C12orf56: variants seen among roughly 807,000 people sequenced by gnomAD.
C12orf56 encodes the protein uncharacterized protein C12orf56.
C12orf56 carries 71 observed loss-of-function variants against 69.9 expected under a neutral mutation model. That is an observed-to-expected ratio of 1.02 (90% CI 0.84 to 1.24). C12orf56 has a LOEUF of 1.24. Ranked by LOEUF, C12orf56 falls within the 50% of genes most tolerant of loss-of-function variation. The pLI, the probability that C12orf56 is intolerant of heterozygous loss-of-function variation, is 0.00. For synonymous variants in C12orf56, 276 were observed against 274.1 expected (o/e 1.01, Z -0.07); for missense variants, 732 against 738.5 (o/e 0.99, Z 0.10).
At chr12:64,338,586 T>G in intron 2 of C12orf56, 1 of 1,568,746 alleles carries the variant, frequency 6.4e-7, no homozygotes. Flanking sequence ...GACATCTGAA[T>G]TTTCTTCTGC....
chr12:64,274,874 A>G (rs1425178943), intron 11 of C12orf56, 27 bp downstream of exon 11: 1 of 1,547,920 alleles, frequency 6.5e-7, no homozygotes, highest in African/African-American at 1.4e-5. Flanking sequence ...CTTGGGGGTG[A>G]TTTCGTTTTG....
At chr12:64,305,326 C>T (rs2038497125) in intron 5 of C12orf56, among the ~76,000 whole-genome samples, 1 of 152,086 alleles carries the variant, frequency 6.6e-6, no homozygotes, top group Admixed American at 6.6e-5. Flanking sequence ...TCAATTTCCT[C>T]ATGTGTAAAA....
At position 64,305,068 on chromosome 12, in the gene C12orf56, T is replaced by A. The variant is rs2038493920; in HGVS notation, c.969-1289A>T. ...TACCTCCCCCTTTATTTAAAAAACA[T>A]CTAAGATGTTCTCCTTTGTCCAATC... On this transcript the variant is annotated intron_variant, in intron 5 of 12. Coordinates refer to ENST00000543942, the MANE Select transcript of C12orf56 (RefSeq NM_001170633.2). Among the ~76,000 whole-genome samples, 2 of 152,164 alleles carry A rather than the reference T, an allele frequency of 1.3e-5. 1 individual carries two copies. The highest frequency in any genetic ancestry group is 1.3e-4 in the Admixed American group (2 of 15,262).
At chr12:64,320,864 C>T (rs1387608808) in intron 3 of C12orf56, among the ~76,000 whole-genome samples, 1 of 152,138 alleles carries the variant, frequency 6.6e-6, no homozygotes, top group Non-Finnish European at 1.5e-5. Flanking sequence ...GAACAGATTC[C>T]ACTCAACCTC....
chr12:64,374,904 T>C (rs933740815), intron 1 of C12orf56, among the ~76,000 whole-genome samples: 1 of 152,080 alleles, frequency 6.6e-6, no homozygotes, highest in African/African-American at 2.4e-5. Flanking sequence ...TGCTATTAGG[T>C]TGGTGCAAAC....
intron 6 of C12orf56, among the ~76,000 whole-genome samples, chr12:64,286,837 A>T (rs1053214385): frequency 1.3e-5 from 2 of 152,164 alleles, no homozygotes; most frequent in East Asian, 3.9e-4. Flanking sequence ...GTGATATGGC[A>T]TGAGAAGAGG....
chr12:64,380,611 G>A (rs1344735441), intron 1 of C12orf56, among the ~76,000 whole-genome samples: 5 of 152,180 alleles, frequency 3.3e-5, no homozygotes, highest in Non-Finnish European at 7.3e-5. Flanking sequence ...ACAAACAGAT[G>A]GGTAAGTGTG....
intron 6 of C12orf56, among the ~76,000 whole-genome samples, chr12:64,301,600 C>T (rs534027665): frequency 9.9e-5 from 15 of 152,284 alleles, no homozygotes; most frequent in African/African-American, 3.1e-4. Flanking sequence ...TAATCACTTA[C>T]GTCTTTAGAT....
At chr12:64,375,875 A>C (rs1235322075) in intron 1 of C12orf56, among the ~76,000 whole-genome samples, 2 of 152,194 alleles carry the variant, frequency 1.3e-5, no homozygotes, top group Non-Finnish European at 1.5e-5. Flanking sequence ...TTTATACTAC[A>C]ATCAGCGACA....
At chr12:64,295,735 G>A (rs1424287717) in intron 6 of C12orf56, among the ~76,000 whole-genome samples, 1 of 150,788 alleles carries the variant, frequency 6.6e-6, no homozygotes, top group Non-Finnish European at 1.5e-5. Context: ...AAAAAATAAA[G>A]ACCACTTAAA....
chr12:64,374,344 T>C (rs1187834245), intron 1 of C12orf56, among the ~76,000 whole-genome samples: 1 of 152,188 alleles, frequency 6.6e-6, no homozygotes, highest in Non-Finnish European at 1.5e-5. Context: ...TCAGCTAAAC[T>C]GGTCCTTGAA....
At chr12:64,363,995 TTTTC>T (rs910577638) in intron 1 of C12orf56, among the ~76,000 whole-genome samples, 2 of 152,120 alleles carry the variant, frequency 1.3e-5, no homozygotes, top group Non-Finnish European at 2.9e-5. Flanking sequence ...CATTTCCGTT[TTTTC>T]TTTCTTTTTT....
chr12:64,359,435 G>C (rs1229280711), intron 1 of C12orf56, among the ~76,000 whole-genome samples: 4 of 151,998 alleles, frequency 2.6e-5, no homozygotes, highest in African/African-American at 7.2e-5. Context: ...ACCTAAGATG[G>C]GTAGAAGGAA....
At position 64,352,099 on chromosome 12, in the gene C12orf56, G is replaced by GT. The variant is rs55762803; in HGVS notation, c.415+794dup. Among the ~76,000 whole-genome samples the GT allele has an allele frequency of 1.5e-3, 219 of 148,736 alleles. 1 individual carries two copies. Among genetic ancestry groups the GT allele is most frequent in the South Asian group, 4.6e-3 (22 of 4,764 alleles). ...AAAAGGTTTTTTTGTTTTTGTTTTT[G>GT]TTTTTTTTTTTTTTTTGTTTTTTTT... is the stretch of plus-strand genomic sequence containing the variant. On this transcript the variant is annotated intron_variant, in intron 2 of 12. Coordinates refer to ENST00000543942, the MANE Select transcript of C12orf56 (RefSeq NM_001170633.2).
At chr12:64,305,846 T>G (rs1171224772) in intron 5 of C12orf56, among the ~76,000 whole-genome samples, 3 of 152,196 alleles carry the variant, frequency 2.0e-5, no homozygotes, top group African/African-American at 7.2e-5. Context: ...AATCCCTCTA[T>G]TCTCTGAGAA....
At chr12:64,277,956 A>C (rs1202858780) in intron 8 of C12orf56, among the ~76,000 whole-genome samples, 153 bp from the exon 9 acceptor site, 1 of 152,196 alleles carries the variant, frequency 6.6e-6, no homozygotes, top group Non-Finnish European at 1.5e-5. Flanking sequence ...GGACACGCAA[A>C]TGAATAACTA....
chr12:64,299,586 C>T (rs550891622), intron 6 of C12orf56, among the ~76,000 whole-genome samples: 9 of 152,206 alleles, frequency 5.9e-5, no homozygotes, highest in African/African-American at 2.2e-4. Flanking sequence ...CTGGAATATG[C>T]ATGCATTGTG....
chr12:64,339,037 G>A (rs1376444219), intron 2 of C12orf56, among the ~76,000 whole-genome samples: 3 of 152,084 alleles, frequency 2.0e-5, no homozygotes, highest in East Asian at 1.9e-4. Context: ...TTCACTATGC[G>A]TAGCCTAAGC....
At chr12:64,283,755 GAC>G (rs1181646765) in intron 8 of C12orf56, among the ~76,000 whole-genome samples, 2 of 151,368 alleles carry the variant, frequency 1.3e-5, no homozygotes, top group Admixed American at 6.6e-5. Flanking sequence ...TAAGGACAAA[GAC>G]AACATGATAG....
Sources: gnomAD v4.1 joint callset for allele counts (sites outside exome capture counted in the v4.1 genomes callset) on GRCh38, gnomAD v4.1.1 for gene constraint, MANE v1.5 for transcripts, NCBI Gene and HGNC (gene_info 2026-07-23, HGNC 2026-07-21) for gene names.